PTP4A1: variants seen among roughly 807,000 people sequenced by gnomAD.
The protein encoded by PTP4A1 is protein tyrosine phosphatase 4A1.
In PTP4A1, 9 loss-of-function variants were observed where a neutral mutation model predicts 20.5. The observed-to-expected ratio is 0.44, with a 90% confidence interval of 0.26 to 0.77. The LOEUF is 0.77. PTP4A1 is among the 30% of genes least tolerant of loss of function. The pLI is 0.19. For missense variants in PTP4A1, 137 were observed against 218.8 expected (o/e 0.63, Z 2.36); for synonymous variants, 78 against 67.4 (o/e 1.16, Z -0.77).
At chr6:63,547,498 A>G (rs867484387) in intron 2 of PTP4A1, among the ~76,000 whole-genome samples, 91 of 90,792 alleles carry the variant, frequency 1.0e-3, no homozygotes, top group African/African-American at 2.8e-3. Context: ...CCAGGGGGGA[A>G]TTTTTTTTTT....
At chr6:63,534,452 AAC>A (rs61533550) in intron 2 of PTP4A1, among the ~76,000 whole-genome samples, 6,721 of 144,092 alleles carry the variant, frequency 0.047, 285 homozygotes, top group African/African-American at 0.12. Flanking sequence ...CACACAGAGA[AAC>A]ACACACACAC....
At chr6:63,539,962 A>T (rs1775886304) in intron 2 of PTP4A1, among the ~76,000 whole-genome samples, 1 of 152,132 alleles carries the variant, frequency 6.6e-6, no homozygotes. Flanking sequence ...CAAGTGTTGG[A>T]GGGTTTGGGG....
intron 2 of PTP4A1, among the ~76,000 whole-genome samples, chr6:63,546,380 C>G (rs1006224210): frequency 6.6e-6 from 1 of 151,992 alleles, no homozygotes; most frequent in Admixed American, 6.6e-5. Flanking sequence ...GGGGCTGAGG[C>G]TTGGGGAAAA....
Position 63,576,869 on chromosome 6 carries a change from A to C in PTP4A1, c.-12A>C. The C allele has an allele frequency of 1.2e-6, 2 of 1,602,138 alleles. No individual in the cohort carries two copies. The highest frequency in any genetic ancestry group is 2.2e-5 in the South Asian group (2 of 89,116). ...TTCATAACCCTATTGAGTGTTTTTT[A>C]ACTAAATTAACATGGCTCGAATGAA... On this transcript the variant is annotated 5_prime_UTR_variant, in exon 2 of 6. Transcript: ENST00000626021.
intron 1 of PTP4A1, among the ~76,000 whole-genome samples, chr6:63,526,575 C>T (rs1004970010): frequency 5.3e-5 from 8 of 151,576 alleles, no homozygotes; most frequent in Admixed American, 2.6e-4. Context: ...TTTGGGAGAC[C>T]GAGGCAGGCG....
chr6:63,532,536 T>G (rs967563870), intron 2 of PTP4A1, among the ~76,000 whole-genome samples: 1 of 151,880 alleles, frequency 6.6e-6, no homozygotes, highest in Non-Finnish European at 1.5e-5. Context: ...TGGAGGTAGG[T>G]GCAAACCAGG....
At position 63,543,482 on chromosome 6, in the gene PTP4A1, T is replaced by G. The variant is rs190579417; in HGVS notation, c.-639-6818T>G. ...TGAAAAGGGATATTATCTAACTTAT[T>G]CACCATTTTGTCTTGTACTGAGAAC... On this transcript the variant is annotated intron_variant, in intron 2 of 3. Transcript: ENST00000639568. 1.2e-3 allele frequency among the ~76,000 whole-genome samples: 184 copies of G among 152,328 alleles called. 2 individuals are homozygous for G. Among genetic ancestry groups the G allele is most frequent in the African/African-American group, 4.2e-3 (175 of 41,582 alleles).
In PTP4A1 at chr6:63,526,816, TA is replaced by T. The variant is rs1382371089; in HGVS notation, c.-905-1002del. On this transcript the variant is annotated intron_variant, in intron 1 of 3. Transcript: ENST00000639568. ...TATCTCAAAAATGTATATATATATA[TA>T]TATATATATATATATATATTTATTT... Among the ~76,000 whole-genome samples the T allele has an allele frequency of 2.1e-5, 3 of 141,944 alleles. No individual in the cohort carries two copies. The East Asian group carries it at 6.0e-4, about 28-fold the overall frequency. The allele number at this position is 141,944 out of a possible 152,430, so 93.1% of individuals were successfully genotyped here.
rs115237480 is a variant in PTP4A1, at chr6:63,548,828, A to G, written c.-639-1472A>G. 758 of 752,370 alleles carry G rather than the reference A, an allele frequency of 1.0e-3. 6 individuals carry two copies. Among genetic ancestry groups the G allele is most frequent in the African/African-American group, 6.5e-3 (380 of 58,354 alleles). 46.6% of individuals were successfully genotyped at this position (752,370 alleles called of 1,614,324 possible). On this transcript the variant is annotated intron_variant, in intron 2 of 3. Coordinates refer to the PTP4A1 transcript ENST00000639568. ...GACGGCGGATCTCATTGTATCTGTC[A>G]TTGTAGTCAGTCCTGATAGCTCCCA...
At chr6:63,520,149 C>A (rs977926723), upstream of PTP4A1, among the ~76,000 whole-genome samples, 1 of 152,184 alleles carries the variant, frequency 6.6e-6, no homozygotes, top group South Asian at 2.1e-4. Flanking sequence ...TGCATTGATA[C>A]TTTTCTCTCC....
At chr6:63,519,992 C>T (rs796500972), upstream of PTP4A1, among the ~76,000 whole-genome samples, 43 of 152,324 alleles carry the variant, frequency 2.8e-4, no homozygotes, top group African/African-American at 1.0e-3. Context: ...AACCTGTAGA[C>T]TGATTTAATG....
At chr6:63,533,992 C>T (rs1775590885) in intron 2 of PTP4A1, among the ~76,000 whole-genome samples, 1 of 151,898 alleles carries the variant, frequency 6.6e-6, no homozygotes, top group African/African-American at 2.4e-5. Flanking sequence ...AACAGGTGCA[C>T]ACCACCATGC....
At chr6:63,521,365 G>C (rs1774919876), upstream of PTP4A1, among the ~76,000 whole-genome samples, 1 of 152,194 alleles carries the variant, frequency 6.6e-6, no homozygotes. Flanking sequence ...AAGTCAGACA[G>C]ATTTCAATTC....
At chr6:63,531,164 T>A (rs1002901370) in intron 2 of PTP4A1, among the ~76,000 whole-genome samples, 42 of 152,276 alleles carry the variant, frequency 2.8e-4, no homozygotes, top group Non-Finnish European at 5.0e-4. Flanking sequence ...TTGGTGTCCA[T>A]CAAGATAACT....
At chr6:63,577,025 A>G (rs201234588) in intron 2 of PTP4A1, 40 bp downstream of exon 2, 19 of 1,490,444 alleles carry the variant, frequency 1.3e-5, no homozygotes, top group Admixed American at 3.5e-5. Flanking sequence ...ATTGATTGCA[A>G]TATAATAGTG....
intron 3 of PTP4A1, among the ~76,000 whole-genome samples, chr6:63,565,491 G>A (rs1425267873): frequency 1.3e-5 from 2 of 152,194 alleles, no homozygotes; most frequent in Admixed American, 6.5e-5. Flanking sequence ...ATTTTACAGA[G>A]AAAATATTAC....
chr6:63,551,363 G>T (rs749108762), intron 3 of PTP4A1, among the ~76,000 whole-genome samples: 1 of 152,178 alleles, frequency 6.6e-6, no homozygotes, highest in Non-Finnish European at 1.5e-5. Flanking sequence ...ACTGCACCCA[G>T]CCGCTGTGGG....
At chr6:63,524,485 A>T (rs1192475287) in intron 1 of PTP4A1, among the ~76,000 whole-genome samples, 1 of 152,200 alleles carries the variant, frequency 6.6e-6, no homozygotes, top group African/African-American at 2.4e-5. Flanking sequence ...ACTTCAAGGT[A>T]GTATATGTAA....
At chr6:63,517,937 G>C (rs1318751922), upstream of PTP4A1, among the ~76,000 whole-genome samples, 1 of 152,154 alleles carries the variant, frequency 6.6e-6, no homozygotes, top group Non-Finnish European at 1.5e-5. Flanking sequence ...TGGATCACCT[G>C]AGGTCAGGAG....
Sources: gnomAD v4.1 joint callset for allele counts (sites outside exome capture counted in the v4.1 genomes callset) on GRCh38, gnomAD v4.1.1 for gene constraint, MANE v1.5 for transcripts, NCBI Gene and HGNC (gene_info 2026-07-23, HGNC 2026-07-21) for gene names.